The following STK32A variants were observed in gnomAD, a reference collection of about 807,000 sequenced individuals.
STK32A encodes serine/threonine-protein kinase 32A.
A neutral mutation model predicts 53.2 loss-of-function variants in STK32A; 41 were observed. The ratio of observed to expected loss-of-function variants is 0.77; its 90% confidence interval spans 0.60 to 1.00. The LOEUF (loss-of-function observed/expected upper bound fraction) is 1.00. Among genes scored for constraint, STK32A ranks in the 50% least tolerant of loss-of-function variants. The pLI, the probability that STK32A is intolerant of heterozygous loss-of-function variation, is 0.00. For missense variants in STK32A, 458 were observed against 485.8 expected (o/e 0.94, Z 0.54); for synonymous variants, 166 against 162.8 (o/e 1.02, Z -0.15).
intron 11 of STK32A, chr5:147,382,786 C>G (rs1581160158): frequency 6.6e-6 from 1 of 152,184 alleles, no homozygotes; most frequent in African/African-American, 2.4e-5. Flanking sequence ...CGTGTGGCTC[C>G]CAAAAGGAGG....
At chr5:147,343,160 T>G in intron 6 of STK32A, 117 bp downstream of exon 6, 15 of 1,126,506 alleles carry the variant, frequency 1.3e-5, no homozygotes, top group Non-Finnish European at 1.6e-5. Context: ...ATTCGAGCTC[T>G]ACTTACAAAC....
intron 4 of STK32A, among the ~76,000 whole-genome samples, chr5:147,322,928 G>A (rs1050504879): frequency 2.0e-5 from 3 of 152,094 alleles, no homozygotes; most frequent in Non-Finnish European, 4.4e-5. Flanking sequence ...TATGGGATCC[G>A]GATTCTGCCG....
At chr5:147,250,182 G>C (rs1038829045) in intron 2 of STK32A, among the ~76,000 whole-genome samples, 2 of 152,050 alleles carry the variant, frequency 1.3e-5, no homozygotes, top group African/African-American at 4.8e-5. Context: ...GGAGGGGTTT[G>C]GGACCCTGCT....
intron 4 of STK32A, among the ~76,000 whole-genome samples, chr5:147,291,614 T>C (rs957077258): frequency 6.6e-6 from 1 of 151,954 alleles, no homozygotes; most frequent in South Asian, 2.1e-4. Context: ...GAAAGTCAAC[T>C]AAAAACATCA....
At chr5:147,247,175 C>G (rs79996946) in intron 2 of STK32A, among the ~76,000 whole-genome samples, 1 of 152,186 alleles carries the variant, frequency 6.6e-6, no homozygotes, top group African/African-American at 2.4e-5. Context: ...GGAGTGCAGG[C>G]CTTCATGGGA....
intron 2 of STK32A, among the ~76,000 whole-genome samples, chr5:147,259,027 A>G (rs1428210205): frequency 6.6e-6 from 1 of 152,108 alleles, no homozygotes; most frequent in East Asian, 1.9e-4. Context: ...CTCTGCTTCT[A>G]CAAGTGTTTC....
rs149341307 is a variant in STK32A, at chr5:147,320,058, C to G, written c.261-3840C>G. 1.1e-3 allele frequency among the ~76,000 whole-genome samples: 167 copies of G among 152,178 alleles called. 1 individual carries two copies. Among genetic ancestry groups the G allele is most frequent in the African/African-American group, 3.8e-3 (157 of 41,512 alleles). Reference sequence around the variant, plus strand: ...TCATAAAAAAAATCATAACGTTTAACCTTATGTTAATAGCATTTATCCTAT... The same window carrying G: ...TCATAAAAAAAATCATAACGTTTAAGCTTATGTTAATAGCATTTATCCTAT... On this transcript the variant is annotated intron_variant, in intron 4 of 12. Coordinates refer to ENST00000397936, the MANE Select transcript of STK32A (RefSeq NM_001112724.2).
At chr5:147,343,070 A>C in intron 6 of STK32A, 27 bp downstream of exon 6, 1 of 1,612,218 alleles carries the variant, frequency 6.2e-7, no homozygotes, top group Non-Finnish European at 8.5e-7. Context: ...TTTGCAATCA[A>C]GTACATGACA....
chr5:147,290,510 C>G (rs1365931561), intron 4 of STK32A, among the ~76,000 whole-genome samples: 1 of 152,162 alleles, frequency 6.6e-6, no homozygotes, highest in Non-Finnish European at 1.5e-5. Context: ...AAATAGGCCC[C>G]AGTCTTTCCC....
At chr5:147,340,355 A>G (rs192081705) in intron 5 of STK32A, among the ~76,000 whole-genome samples, 210 of 152,340 alleles carry the variant, frequency 1.4e-3, no homozygotes, top group Non-Finnish European at 1.1e-3. Context: ...ATTCTGAAGC[A>G]TATCCAGGTT....
At chr5:147,397,005 T>C in the STK32A span, among the ~76,000 whole-genome samples, 11 of 137,460 alleles carry the variant, frequency 8.0e-5, no homozygotes, top group Admixed American at 8.4e-4. Flanking sequence ...CAATACACAA[T>C]ACAATATAAA....
At chr5:147,271,844 T>C (rs1225627694) in intron 2 of STK32A, among the ~76,000 whole-genome samples, 2 of 152,174 alleles carry the variant, frequency 1.3e-5, no homozygotes, top group Admixed American at 6.5e-5. Context: ...CGAAACTTCA[T>C]TAGCAATTTT....
At chr5:147,260,760 A>G (rs62380975) in intron 2 of STK32A, among the ~76,000 whole-genome samples, 19,950 of 152,132 alleles carry the variant, frequency 0.13, 1,574 homozygotes, top group East Asian at 0.35. Context: ...TGGCAGGCCC[A>G]TGGCGGGATA....
chr5:147,319,800 C>T (rs116521918), intron 4 of STK32A, among the ~76,000 whole-genome samples: 115 of 152,280 alleles, frequency 7.6e-4, no homozygotes, highest in African/African-American at 2.6e-3. Context: ...CAGAAAAACA[C>T]AATGAACTGT....
intron 4 of STK32A, among the ~76,000 whole-genome samples, chr5:147,281,857 A>G (rs773571700): frequency 3.9e-5 from 6 of 152,240 alleles, no homozygotes; most frequent in Non-Finnish European, 8.8e-5. Flanking sequence ...GATATGAGAC[A>G]GAAGCACCAG....
chr5:147,335,214 C>T (rs1438480956), intron 5 of STK32A, among the ~76,000 whole-genome samples: 1 of 152,128 alleles, frequency 6.6e-6, no homozygotes, highest in East Asian at 1.9e-4. Context: ...CATTACGACT[C>T]TATAAAGTAG....
chr5:147,335,303 A>G (rs79594311), intron 5 of STK32A, among the ~76,000 whole-genome samples: 9,195 of 152,276 alleles, frequency 0.06, 530 homozygotes, highest in Non-Finnish European at 0.08. Context: ...TTTGGTCCCA[A>G]CAGAAAACCT....
chr5:147,273,812 A>C (rs950139727), intron 2 of STK32A, among the ~76,000 whole-genome samples: 5 of 152,156 alleles, frequency 3.3e-5, no homozygotes, highest in Non-Finnish European at 5.9e-5. Flanking sequence ...TCTGTTTTTA[A>C]AATCTAACCT....
At chr5:147,323,872 A>C in intron 4 of STK32A, 26 bp from the exon 5 acceptor site, 1 of 1,589,562 alleles carries the variant, frequency 6.3e-7, no homozygotes, top group Non-Finnish European at 8.6e-7. Flanking sequence ...ATATTTGATA[A>C]GTTTTCTCTT....
Sources: gnomAD v4.1 joint callset for allele counts (sites outside exome capture counted in the v4.1 genomes callset) on GRCh38, gnomAD v4.1.1 for gene constraint, MANE v1.5 for transcripts, NCBI Gene and HGNC (gene_info 2026-07-23, HGNC 2026-07-21) for gene names.